Variants in NWD2 observed in about 807,000 individuals in gnomAD.
NWD2 encodes the protein NACHT and WD repeat domain containing 2, also known as NACHT and WD repeat domain-containing protein 2.
In NWD2, 37 loss-of-function variants were observed where a neutral mutation model predicts 132.7. The ratio of observed to expected loss-of-function variants is 0.28; its 90% confidence interval spans 0.21 to 0.37. The LOEUF (loss-of-function observed/expected upper bound fraction) is 0.37. Ranked by LOEUF, NWD2 falls within the 10% of genes least tolerant of loss-of-function variation. The pLI is 1.00. For missense variants in NWD2, 1,592 were observed against 2,122.4 expected, an observed-to-expected ratio of 0.75 and a Z score of 4.91; for synonymous variants, 705 against 803.0, an observed-to-expected ratio of 0.88 and a Z score of 2.06.
Position 37,384,301 on chromosome 4 carries a change from A to G in NWD2, c.357+27819A>G, listed in dbSNP as rs141137177. Among the ~76,000 whole-genome samples, 588 of 152,174 alleles carry G rather than the reference A, an allele frequency of 3.9e-3. 3 individuals are homozygous for G. The highest frequency in any genetic ancestry group is 5.5e-3 in the Non-Finnish European group (375 of 68,012). ...CCAATCTTCCACTGCTCCTGATACC[A>G]TTGTCAAACTGCAGCACATTCTTCA... On this transcript the variant is annotated intron_variant, in intron 3 of 6. Transcript: ENST00000309447.
chr4:37,389,210 A>AG (rs1720633569), intron 3 of NWD2, among the ~76,000 whole-genome samples: 1 of 152,184 alleles, frequency 6.6e-6, no homozygotes, highest in Non-Finnish European at 1.5e-5. Context: ...CCTTGGCCCC[A>AG]GGGGCCTCTC....
chr4:37,245,749 C>T (rs1305529042), intron 1 of NWD2, among the ~76,000 whole-genome samples: 1 of 151,992 alleles, frequency 6.6e-6, no homozygotes, highest in Non-Finnish European at 1.5e-5. Flanking sequence ...TTTTGTGAAC[C>T]GGAGGTCGAG....
At chr4:37,339,687 G>A (rs777006327) in intron 2 of NWD2, among the ~76,000 whole-genome samples, 4 of 152,020 alleles carry the variant, frequency 2.6e-5, no homozygotes, top group Non-Finnish European at 4.4e-5. Context: ...TTTCTTTCTT[G>A]GTATAAATAG....
At chr4:37,379,867 A>G (rs1409049629) in intron 3 of NWD2, among the ~76,000 whole-genome samples, 3 of 152,224 alleles carry the variant, frequency 2.0e-5, no homozygotes, top group Non-Finnish European at 4.4e-5. Flanking sequence ...ATGGCTCCAT[A>G]GAATACAACT....
At chr4:37,365,441 A>G (rs551113434) in intron 3 of NWD2, among the ~76,000 whole-genome samples, 2 of 152,352 alleles carry the variant, frequency 1.3e-5, no homozygotes, top group African/African-American at 4.8e-5. Context: ...AAAGTCATCT[A>G]AATTAAACAG....
At position 37,313,175 on chromosome 4, in the gene NWD2, G is replaced by A. The variant is rs529715908; in HGVS notation, c.152-12761G>A. Among the ~76,000 whole-genome samples, 6 of 151,170 alleles carry A rather than the reference G, an allele frequency of 4.0e-5. No individual in the cohort carries two copies. In the South Asian group the frequency reaches 1.0e-3, roughly 26 times the overall value. On this transcript the variant is annotated intron_variant, in intron 1 of 6. Coordinates refer to ENST00000309447, the MANE Select transcript of NWD2 (RefSeq NM_001144990.2). ...GTTAGGGAGGATTCCCTCTTTTTCTGTTGATTTGAATAGTTTCAGAAGGAA... is the reference window on the plus strand; with the variant it reads ...GTTAGGGAGGATTCCCTCTTTTTCTATTGATTTGAATAGTTTCAGAAGGAA...
intron 2 of NWD2, among the ~76,000 whole-genome samples, chr4:37,341,309 T>C (rs975525400): frequency 6.6e-6 from 1 of 152,212 alleles, no homozygotes; most frequent in African/African-American, 2.4e-5. Context: ...GTTAAGTGTA[T>C]TAAATGAATT....
chr4:37,261,810 T>C (rs1717641724), intron 1 of NWD2, among the ~76,000 whole-genome samples: 1 of 152,190 alleles, frequency 6.6e-6, no homozygotes, highest in Admixed American at 6.5e-5. Flanking sequence ...ATGGGCAGTT[T>C]CTGTCTCCCA....
intron 1 of NWD2, among the ~76,000 whole-genome samples, chr4:37,290,903 G>A (rs1233785690): frequency 6.6e-6 from 1 of 152,200 alleles, no homozygotes; most frequent in Non-Finnish European, 1.5e-5. Context: ...TCAGCAAGAA[G>A]CAGTTCTGAG....
chr4:37,297,278 G>T (rs1718514618), intron 1 of NWD2, among the ~76,000 whole-genome samples: 1 of 151,904 alleles, frequency 6.6e-6, no homozygotes, highest in African/African-American at 2.4e-5. Flanking sequence ...TCATCTCTAG[G>T]TTTCTTATAC....
chr4:37,347,741 A>T lies in NWD2; in HGVS notation c.241-8625A>T, dbSNP rs1349615286. On this transcript the variant is annotated intron_variant, in intron 2 of 6. Transcript: ENST00000309447. ...TATAATTGTATGACATTTAAAGAAG[A>T]TCAGAGAAGAGCAAGTATATATTTA... Among the ~76,000 whole-genome samples, 5 of 152,226 alleles carry T rather than the reference A, an allele frequency of 3.3e-5. No homozygotes were observed. In the East Asian group the frequency reaches 9.6e-4, roughly 29 times the overall value.
intron 3 of NWD2, among the ~76,000 whole-genome samples, chr4:37,411,811 G>C (rs947007073): frequency 6.6e-6 from 1 of 152,118 alleles, no homozygotes; most frequent in African/African-American, 2.4e-5. Context: ...TTATACCTGG[G>C]ATGCAAGGCT....
At chr4:37,260,978 T>G (rs2109259185) in intron 1 of NWD2, among the ~76,000 whole-genome samples, 1 of 152,332 alleles carries the variant, frequency 6.6e-6, no homozygotes, top group South Asian at 2.1e-4. Flanking sequence ...GTGTGCCATT[T>G]TCTGACTCAG....
At chr4:37,394,154 A>G (rs1720733289) in intron 3 of NWD2, among the ~76,000 whole-genome samples, 1 of 152,190 alleles carries the variant, frequency 6.6e-6, no homozygotes, top group Non-Finnish European at 1.5e-5. Flanking sequence ...GCATCTGTTT[A>G]GATAACCACA....
rs773693219 is a variant in NWD2, at chr4:37,439,923, A to C, written c.1296+533A>C. Among the ~76,000 whole-genome samples the C allele has an allele frequency of 6.6e-6, 1 of 152,184 alleles. No homozygotes were observed. Among genetic ancestry groups the C allele is most frequent in the Non-Finnish European group, 1.5e-5 (1 of 68,022 alleles). On this transcript the variant is annotated intron_variant, in intron 6 of 6. Coordinates refer to ENST00000309447, the MANE Select transcript of NWD2 (RefSeq NM_001144990.2). This position sits in a 1 kb window ranked among gnomAD's most constrained non-coding sequence, Gnocchi z 4.5. The stretch of plus-strand genomic sequence containing the variant: ...TCCTTTCCTAATCCCAATGACATTT[A>C]TGATTCCTATAAAGTCACAGTTTAG...
intron 1 of NWD2, among the ~76,000 whole-genome samples, chr4:37,306,753 T>G (rs1718716210): frequency 6.6e-6 from 1 of 152,148 alleles, no homozygotes; most frequent in Non-Finnish European, 1.5e-5. Context: ...CCGGGTGTGG[T>G]GGCTGATGCC....
At chr4:37,375,131 A>G (rs1654230765) in intron 3 of NWD2, among the ~76,000 whole-genome samples, 1 of 152,212 alleles carries the variant, frequency 6.6e-6, no homozygotes, top group Non-Finnish European at 1.5e-5. Context: ...AAATTGTTCC[A>G]TTGTGAAGAT....
intron 1 of NWD2, among the ~76,000 whole-genome samples, chr4:37,284,904 G>A (rs962673623): frequency 2.0e-5 from 3 of 152,106 alleles, no homozygotes; most frequent in African/African-American, 2.4e-5. Flanking sequence ...GGATGCCTCC[G>A]TAGGGTACTT....
At chr4:37,433,815 C>T in intron 4 of NWD2, 61 bp from the exon 5 acceptor site, 1 of 1,357,460 alleles carries the variant, frequency 7.4e-7, no homozygotes, top group Non-Finnish European at 9.9e-7. Context: ...TTTTCTTGTT[C>T]TTAAATATTA....
Sources: gnomAD v4.1 joint callset for allele counts (sites outside exome capture counted in the v4.1 genomes callset) on GRCh38, gnomAD v4.1.1 for gene constraint, Gnocchi (gnomAD v3.1) non-coding constraint, MANE v1.5 for transcripts, NCBI Gene and HGNC (gene_info 2026-07-23, HGNC 2026-07-21) for gene names.